PRH1: variants seen among roughly 807,000 people sequenced by gnomAD.
PRH1 encodes the protein proline rich protein HaeIII subfamily 1, also known as salivary acidic proline-rich phosphoprotein 1/2.
PRH1 carries 7 observed loss-of-function variants against 7.9 expected under a neutral mutation model. The observed-to-expected ratio is 0.89, with a 90% CI of 0.50 to 1.67. The LOEUF (loss-of-function observed/expected upper bound fraction) is 1.67. Ranked by LOEUF, PRH1 falls within the 40% of genes most tolerant of loss-of-function variation. PRH1 has a pLI of 0.00. For missense variants in PRH1, 109 were observed against 223.6 expected, an observed-to-expected ratio of 0.49 and a Z score of 3.27; for synonymous variants, 45 against 80.8, an observed-to-expected ratio of 0.56 and a Z score of 2.38.
At chr12:10,934,121 G>A (rs1299414761) in intron 2 of PRH1, among the ~76,000 whole-genome samples, 1 of 152,110 alleles carries the variant, frequency 6.6e-6, no homozygotes, top group Non-Finnish European at 1.5e-5. Context: ...AAAAGGCCTA[G>A]TCTTCGAATT....
At chr12:11,149,387 C>G (rs531902555) in intron 1 of PRH1, among the ~76,000 whole-genome samples, 2 of 152,188 alleles carry the variant, frequency 1.3e-5, no homozygotes, top group Non-Finnish European at 2.9e-5. Flanking sequence ...AAGAACAAAG[C>G]TGGAGGCATC....
At chr12:11,091,143 T>TATATATATATATATATA (rs1565644368) in intron 1 of PRH1, 135 of 61,138 alleles carry the variant, frequency 2.2e-3, no homozygotes, top group East Asian at 4.7e-3. Flanking sequence ...TATATATATA[T>TATATATATATATATATA]TTTCTAGACT....
At chr12:11,024,785 T>C (rs1373726837) in intron 1 of PRH1, among the ~76,000 whole-genome samples, 1 of 152,284 alleles carries the variant, frequency 6.6e-6, no homozygotes, top group South Asian at 2.1e-4. Flanking sequence ...CCTCTGTGTA[T>C]ATATATCTGG....
intron 1 of PRH1, among the ~76,000 whole-genome samples, chr12:11,044,073 T>C (rs987291937): frequency 1.3e-5 from 2 of 152,182 alleles, no homozygotes; most frequent in African/African-American, 2.4e-5. Context: ...CAAAACAGCA[T>C]GTTACTGGCA....
Position 11,008,445 on chromosome 12 carries a change from C to T in PRH1, c.-125-34724G>A, listed in dbSNP as rs72475457. ...GCAAGACAAGGAACACTGCAAACAG[C>T]CTAGTTCCACCTCCATGACACTTTC... On this transcript the variant is annotated intron_variant, in intron 1 of 3. Coordinates refer to the PRH1 transcript ENST00000539853. Among the ~76,000 whole-genome samples, 4 of 152,158 alleles carry T rather than the reference C, an allele frequency of 2.6e-5. No individual in the cohort carries two copies. The East Asian group carries it at 5.8e-4, about 22-fold the overall frequency.
chr12:10,936,589 T>C (rs559225104), intron 2 of PRH1, among the ~76,000 whole-genome samples: 1 of 152,294 alleles, frequency 6.6e-6, no homozygotes, highest in African/African-American at 2.4e-5. Flanking sequence ...CCATTCTTTA[T>C]CAAACCCCCA....
At chr12:10,980,146 C>T (rs542652414) in intron 1 of PRH1, among the ~76,000 whole-genome samples, 1 of 152,222 alleles carries the variant, frequency 6.6e-6, no homozygotes, top group South Asian at 2.1e-4. Context: ...AAAGAAAAAA[C>T]ATAAATTTAG....
At chr12:11,087,333 G>A (rs796740332) in intron 1 of PRH1, among the ~76,000 whole-genome samples, 912 of 84,232 alleles carry the variant, frequency 0.011, no homozygotes, top group Non-Finnish European at 0.014. Context: ...CTCTCAAGGG[G>A]TCCTCCCACC....
rs12319023 is a variant in PRH1 at position 10,933,828 on chromosome 12, A to G, written c.-59+39827T>C. 5.4e-3 allele frequency among the ~76,000 whole-genome samples: 823 copies of G among 152,262 alleles called. 6 individuals carry two copies. The highest frequency in any genetic ancestry group is 0.018 in the African/African-American group (750 of 41,582). On this transcript the variant is annotated intron_variant, in intron 2 of 3. Coordinates refer to the PRH1 transcript ENST00000539853. ...GCTTGTCAATGTTGTGGATAATTAG[A>G]AAGTGAATAATTTTATTTAATATTA... is the stretch of plus-strand genomic sequence containing the variant.
intron 2 of PRH1, among the ~76,000 whole-genome samples, chr12:10,892,468 G>C (rs1164332602): frequency 6.6e-6 from 1 of 152,076 alleles, no homozygotes; most frequent in African/African-American, 2.4e-5. Context: ...TGACATCAGG[G>C]ATGACACTAC....
At chr12:11,165,692 C>T (rs999958409) in intron 1 of PRH1, among the ~76,000 whole-genome samples, 1 of 144,950 alleles carries the variant, frequency 6.9e-6, no homozygotes, top group South Asian at 2.2e-4. Flanking sequence ...AAATGGGCTG[C>T]CTTCTTATTC....
At chr12:10,935,856 C>T (rs1164779722) in intron 2 of PRH1, among the ~76,000 whole-genome samples, 1 of 152,096 alleles carries the variant, frequency 6.6e-6, no homozygotes, top group Non-Finnish European at 1.5e-5. Flanking sequence ...AGGAGTTAAG[C>T]AGGCAAAAAT....
At chr12:11,021,400 A>T (rs956114894) in intron 1 of PRH1, among the ~76,000 whole-genome samples, 18 of 79,670 alleles carry the variant, frequency 2.3e-4, no homozygotes, top group African/African-American at 6.8e-4. Flanking sequence ...TATACAATGA[A>T]CTATAATAAA....
chr12:11,124,811 G>T (rs74868085), intron 1 of PRH1, among the ~76,000 whole-genome samples: 1 of 120,102 alleles, frequency 8.3e-6, no homozygotes. Context: ...GTTAAGGGTA[G>T]TGGGAGAACA....
intron 2 of PRH1, among the ~76,000 whole-genome samples, chr12:10,953,471 C>G (rs367734124): frequency 6.6e-6 from 1 of 152,250 alleles, no homozygotes; most frequent in East Asian, 1.9e-4. Context: ...AATACTAATG[C>G]AAGTGTTAAC....
At chr12:11,142,245 G>A (rs1329655440) in intron 1 of PRH1, among the ~76,000 whole-genome samples, 1 of 152,198 alleles carries the variant, frequency 6.6e-6, no homozygotes, top group African/African-American at 2.4e-5. Flanking sequence ...CTGAAATTCA[G>A]CACAAGGAGA....
intron 1 of PRH1, chr12:11,061,986 G>A: frequency 2.0e-5 from 32 of 1,613,906 alleles, no homozygotes; most frequent in Non-Finnish European, 2.7e-5. Context: ...AATAAAATAT[G>A]CTGAGGCTAG....
At chr12:11,063,384 G>T (rs568996137) in intron 1 of PRH1, among the ~76,000 whole-genome samples, 1 of 152,006 alleles carries the variant, frequency 6.6e-6, no homozygotes, top group East Asian at 1.9e-4. Context: ...CATTTACCAT[G>T]AGAATATCAC....
chr12:11,149,760 C>G (rs1294468064), intron 1 of PRH1, among the ~76,000 whole-genome samples: 6 of 138,738 alleles, frequency 4.3e-5, no homozygotes, highest in African/African-American at 1.3e-4. Context: ...TAGGCATGGG[C>G]AAGGACTTCA....
Sources: allele counts gnomAD v4.1 joint callset (sites outside exome capture counted in the v4.1 genomes callset), GRCh38; gene constraint gnomAD v4.1.1; transcripts MANE v1.5; gene names NCBI Gene and HGNC (gene_info 2026-07-23, HGNC 2026-07-21).